The following KLHL7 variants were observed in gnomAD, a reference collection of about 807,000 sequenced individuals.
The protein encoded by KLHL7 is kelch-like protein 7.
A neutral mutation model predicts 67.4 loss-of-function variants in KLHL7; 44 were observed. The ratio of observed to expected loss-of-function variants is 0.65; its 90% CI spans 0.51 to 0.84. The LOEUF is 0.84. Ranked by LOEUF, KLHL7 falls within the 40% of genes least tolerant of loss-of-function variation. The probability of loss-of-function intolerance (pLI) is 0.00; values close to 1 mark genes in which losing one functional copy is unlikely to be tolerated. For synonymous variants in KLHL7, 252 were observed against 243.3 expected, an observed-to-expected ratio of 1.04 and a Z score of -0.33; for missense variants, 362 against 718.1, an observed-to-expected ratio of 0.50 and a Z score of 5.67.
At chr7:23,106,726 A>G (rs1322207428) in intron 1 of KLHL7, 11 of 992,760 alleles carry the variant, frequency 1.1e-5, no homozygotes, top group Non-Finnish European at 1.3e-5. Flanking sequence ...CTCTGTTATT[A>G]AGAGGAGCTC....
At position 23,140,958 on chromosome 7, in the gene KLHL7, C is replaced by T. The variant is rs1784161516; in HGVS notation, c.618+14C>T. On this transcript the variant is annotated intron_variant, in intron 5 of 10. Coordinates refer to ENST00000339077, the MANE Select transcript of KLHL7 (RefSeq NM_001031710.3). ...GCAGAGGATCAGGTGACTAAATTGC[C>T]TTCTCACATTTTTCTTAATAAAAAT... The T allele has an allele frequency of 1.2e-6, 2 of 1,610,168 alleles. No individual in the cohort carries two copies. The highest frequency in any genetic ancestry group is 4.5e-5 in the East Asian group (2 of 44,852).
intron 1 of KLHL7, among the ~76,000 whole-genome samples, chr7:23,116,460 G>A (rs1558313): frequency 0.46 from 69,311 of 152,170 alleles, 18,004 homozygotes; most frequent in African/African-American, 0.72. Context: ...ATTTTCCTCT[G>A]TGGTACATCT....
At chr7:23,118,376 A>G (rs759014111) in intron 1 of KLHL7, among the ~76,000 whole-genome samples, 1 of 152,212 alleles carries the variant, frequency 6.6e-6, no homozygotes, top group Non-Finnish European at 1.5e-5. Context: ...TGGGCTTTCT[A>G]TTCTTTCTTC....
At chr7:23,132,350 A>G (rs1783832144) in intron 4 of KLHL7, among the ~76,000 whole-genome samples, 1 of 152,176 alleles carries the variant, frequency 6.6e-6, no homozygotes, top group Non-Finnish European at 1.5e-5. Flanking sequence ...AGCCATTTTA[A>G]CTGGGGTGAG....
At chr7:23,160,549 A>C (rs1026581194) in intron 7 of KLHL7, among the ~76,000 whole-genome samples, 1 of 152,214 alleles carries the variant, frequency 6.6e-6, no homozygotes, top group Non-Finnish European at 1.5e-5. Flanking sequence ...ATTTTAGCTA[A>C]TCATTAACAG....
chr7:23,117,648 G>A, intron 1 of KLHL7, among the ~76,000 whole-genome samples: 1 of 152,048 alleles, frequency 6.6e-6, no homozygotes, highest in East Asian at 1.9e-4. Flanking sequence ...TATTCTAATT[G>A]TGTATGTGTT....
chr7:23,168,055 A>T lies in KLHL7; in HGVS notation c.1379+18A>T. The stretch of plus-strand genomic sequence containing the variant: ...ACAGAAACGTATGTATCTATTTAAA[A>T]TTTATTTTACAGTTAACTGTATTCT... On this transcript the variant is annotated intron_variant, in intron 9 of 10. Coordinates refer to ENST00000339077, the MANE Select transcript of KLHL7 (RefSeq NM_001031710.3). 6.2e-7 allele frequency: 1 copy of T among 1,606,816 alleles called. No individual in the cohort carries two copies. Among genetic ancestry groups the T allele is most frequent in the East Asian group, 2.2e-5 (1 of 44,856 alleles).
rs1209147678 is a variant in KLHL7 at position 23,177,744 on chromosome 7, T to C, written c.*3446T>C. On this transcript the variant is annotated 3_prime_UTR_variant, in exon 11 of 11. Transcript: ENST00000339077. ...AGAAAAGTTTAGCATCTTAAAAAAATTGTTGCTATTTGAAAAAAACAAAAC... is the reference window on the plus strand; with the variant it reads ...AGAAAAGTTTAGCATCTTAAAAAAACTGTTGCTATTTGAAAAAAACAAAAC... 1 of 152,148 alleles carries C rather than the reference T, an allele frequency of 6.6e-6. No individual in the cohort carries two copies. Among genetic ancestry groups the C allele is most frequent in the Non-Finnish European group, 1.5e-5 (1 of 68,012 alleles). 9.4% of individuals were successfully genotyped at this position (152,148 alleles called of 1,614,324 possible).
chr7:23,154,879 G>A (rs1288882981), intron 7 of KLHL7, among the ~76,000 whole-genome samples: 2 of 152,224 alleles, frequency 1.3e-5, no homozygotes, highest in East Asian at 3.8e-4. Context: ...AAAGTTACCA[G>A]TCTCAGCAGT....
chr7:23,171,072 A>C, intron 9 of KLHL7: 1 of 187,206 alleles, frequency 5.3e-6, no homozygotes, highest in East Asian at 1.7e-4. Flanking sequence ...CACACGGGCT[A>C]ATTTTTGTAT....
chr7:23,112,741 T>G (rs1027482870), intron 1 of KLHL7, among the ~76,000 whole-genome samples: 1 of 152,176 alleles, frequency 6.6e-6, no homozygotes, highest in Admixed American at 6.5e-5. Context: ...AAGACTTATT[T>G]TGATGGGCAG....
intron 6 of KLHL7, among the ~76,000 whole-genome samples, chr7:23,147,074 G>T (rs1282245194): frequency 7.4e-6 from 1 of 135,454 alleles, no homozygotes; most frequent in Non-Finnish European, 1.6e-5. Flanking sequence ...TTCCTTCTAT[G>T]TATTACTTAT....
At position 23,152,050 on chromosome 7, in the gene KLHL7, C is replaced by T. The variant is rs1784552532; in HGVS notation, c.794-17C>T. 3.1e-6 allele frequency: 5 copies of T among 1,613,388 alleles called. No individual in the cohort carries two copies. Among genetic ancestry groups the T allele is most frequent in the Non-Finnish European group, 4.2e-6 (5 of 1,179,498 alleles). Reference sequence around the variant, plus strand: ...GTGCCTGAAGTTCTTGAAGCGTTGCCATGTATTTTACTACAGGTGGAATGA... The same window carrying T: ...GTGCCTGAAGTTCTTGAAGCGTTGCTATGTATTTTACTACAGGTGGAATGA... On this transcript the variant is annotated splice_polypyrimidine_tract_variant and intron_variant, in intron 6 of 10. Transcript: ENST00000339077.
At chr7:23,132,969 T>C (rs748188865) in intron 4 of KLHL7, among the ~76,000 whole-genome samples, 3 of 152,204 alleles carry the variant, frequency 2.0e-5, no homozygotes, top group Admixed American at 1.3e-4. Context: ...TTGATTTGTT[T>C]CTGGGTCCTC....
intron 5 of KLHL7, among the ~76,000 whole-genome samples, chr7:23,142,888 A>G (rs1262167618): frequency 6.6e-6 from 1 of 152,192 alleles, no homozygotes. Flanking sequence ...TAAAAACTAA[A>G]GAAATCCAAA....
At position 23,175,953 on chromosome 7, in the gene KLHL7, T is replaced by TAAAAAAAAAAAAA. The variant is rs57658434; in HGVS notation, c.*1668_*1680dup. The TAAAAAAAAAAAAA allele has an allele frequency of 2.0e-4, 12 of 60,492 alleles. No individual in the cohort carries two copies. The highest frequency in any genetic ancestry group is 8.5e-4 in the African/African-American group (12 of 14,162). 3.7% of individuals were successfully genotyped at this position (60,492 alleles called of 1,614,324 possible). A position where few individuals can be genotyped will look rare whatever the true frequency, so the allele number is the denominator to read the frequency against. On this transcript the variant is annotated 3_prime_UTR_variant, in exon 11 of 11. Coordinates refer to ENST00000339077, the MANE Select transcript of KLHL7 (RefSeq NM_001031710.3). ...CCCAGCCTGGGCAACAGAGCAAGAC[T>TAAAAAAAAAAAAA]AAAAAAAAAAAAAAAAAAAAAAAAA...
At position 23,123,417 on chromosome 7, in the gene KLHL7, C is replaced by T. The variant is rs370294244; in HGVS notation, c.121-360C>T. On this transcript the variant is annotated intron_variant, in intron 1 of 10. Transcript: ENST00000339077. ...AAAAACTGTCAGGGTGTCAGGGGCA[C>T]TGCCATGATGTCATTGAATTTCCCC... Among the ~76,000 whole-genome samples the T allele has an allele frequency of 5.3e-5, 8 of 151,066 alleles. No homozygotes were observed. In the East Asian group the frequency reaches 7.8e-4, roughly 15 times the overall value.
intron 5 of KLHL7, among the ~76,000 whole-genome samples, chr7:23,143,349 A>G (rs1784251804): frequency 6.6e-6 from 1 of 152,232 alleles, no homozygotes; most frequent in African/African-American, 2.4e-5. Flanking sequence ...TAAGTATAGA[A>G]TTCTTTATAT....
At chr7:23,121,339 T>A (rs1562556306) in intron 1 of KLHL7, among the ~76,000 whole-genome samples, 1 of 152,056 alleles carries the variant, frequency 6.6e-6, no homozygotes, top group Admixed American at 6.5e-5. Context: ...ATCACTGGAG[T>A]ACAGTGATGC....
Sources: gnomAD v4.1 joint callset for allele counts (sites outside exome capture counted in the v4.1 genomes callset) on GRCh38, gnomAD v4.1.1 for gene constraint, MANE v1.5 for transcripts, NCBI Gene and HGNC (gene_info 2026-07-23, HGNC 2026-07-21) for gene names.